The following CNTNAP5 variants were observed in gnomAD, a reference collection of about 807,000 sequenced individuals.
CNTNAP5 encodes contactin associated protein family member 5.
In CNTNAP5, 72 loss-of-function variants were observed where a neutral mutation model predicts 150.2. That is an observed-to-expected ratio of 0.48 (90% CI 0.40 to 0.58). The LOEUF is 0.58. Ranked by LOEUF, CNTNAP5 falls within the 20% of genes least tolerant of loss-of-function variation. The probability of loss-of-function intolerance (pLI) is 0.00; values close to 1 mark genes in which losing one functional copy is unlikely to be tolerated. For synonymous variants in CNTNAP5, 672 were observed against 619.8 expected (o/e 1.08, Z -1.25); for missense variants, 1,636 against 1,626.2 (o/e 1.01, Z -0.10).
chr2:124,242,512 AT>A, intron 3 of CNTNAP5, 119 bp downstream of exon 3: 1 of 907,964 alleles, frequency 1.1e-6, no homozygotes. Context: ...GTGAGTGCCC[AT>A]TAGAAATAAT....
intron 12 of CNTNAP5, among the ~76,000 whole-genome samples, chr2:124,627,150 C>T (rs913674438): frequency 1.2e-4 from 18 of 152,170 alleles, no homozygotes; most frequent in Non-Finnish European, 1.5e-5. Flanking sequence ...CTTAATCTTT[C>T]CTGCCTGCCG....
chr2:124,470,813 A>C (rs1274120009), intron 6 of CNTNAP5, among the ~76,000 whole-genome samples: 1 of 152,118 alleles, frequency 6.6e-6, no homozygotes, highest in Non-Finnish European at 1.5e-5. Flanking sequence ...AGCACCATTT[A>C]TTAAATAGGG....
At chr2:124,573,543 A>T (rs1213601421) in intron 11 of CNTNAP5, among the ~76,000 whole-genome samples, 1 of 152,248 alleles carries the variant, frequency 6.6e-6, no homozygotes, top group African/African-American at 2.4e-5. Context: ...TTAACTGAAT[A>T]TAATTTAATT....
chr2:124,200,892 T>C (rs1462413091), intron 1 of CNTNAP5, among the ~76,000 whole-genome samples: 12 of 152,120 alleles, frequency 7.9e-5, no homozygotes, highest in Admixed American at 7.9e-4. Flanking sequence ...TAGAGCCCCC[T>C]TGTTTGTCTT....
intron 2 of CNTNAP5, 38 bp from the exon 3 acceptor site, chr2:124,242,162 A>G (rs2104768261): frequency 6.8e-7 from 1 of 1,468,052 alleles, no homozygotes; most frequent in Non-Finnish European, 9.3e-7. Context: ...GTGAGACATT[A>G]CTACAACTCT....
chr2:124,876,399 G>A (rs896890), intron 21 of CNTNAP5, among the ~76,000 whole-genome samples: 132,681 of 150,764 alleles, frequency 0.88, 58,711 homozygotes, highest in African/African-American at 0.97. Context: ...GAAAGAGAAA[G>A]ATCAACAATG....
intron 2 of CNTNAP5, among the ~76,000 whole-genome samples, chr2:124,234,950 A>C (rs1410356589): frequency 4.6e-5 from 7 of 152,158 alleles, no homozygotes; most frequent in Non-Finnish European, 7.4e-5. Context: ...TCACCATTTC[A>C]GCCAAAAGCC....
intron 11 of CNTNAP5, among the ~76,000 whole-genome samples, chr2:124,576,238 G>A (rs1313352419): frequency 6.6e-6 from 1 of 152,112 alleles, no homozygotes; most frequent in African/African-American, 2.4e-5. Flanking sequence ...ATGCAACTGA[G>A]TTTATTAGTC....
intron 3 of CNTNAP5, among the ~76,000 whole-genome samples, chr2:124,328,037 G>A (rs374345504): frequency 6.6e-6 from 1 of 151,986 alleles, no homozygotes; most frequent in Non-Finnish European, 1.5e-5. Context: ...AAAATTGAAG[G>A]CTTTTCTGAA....
chr2:124,094,821 G>T (rs2104689847), intron 1 of CNTNAP5, among the ~76,000 whole-genome samples: 1 of 152,282 alleles, frequency 6.6e-6, no homozygotes, highest in Non-Finnish European at 1.5e-5. Flanking sequence ...CCTCTCTCCA[G>T]ATTGGTGCTG....
intron 7 of CNTNAP5, among the ~76,000 whole-genome samples, chr2:124,486,636 A>G (rs1693886582): frequency 6.6e-6 from 1 of 152,194 alleles, no homozygotes; most frequent in African/African-American, 2.4e-5. Flanking sequence ...ACATACACAT[A>G]TTCACGGTTT....
chr2:124,898,739 T>C (rs1678357461), intron 21 of CNTNAP5, among the ~76,000 whole-genome samples: 1 of 151,540 alleles, frequency 6.6e-6, no homozygotes, highest in African/African-American at 2.4e-5. Flanking sequence ...ACCATAGTTC[T>C]AAATGCAACA....
chr2:124,844,712 T>A (rs1440419994), intron 19 of CNTNAP5, among the ~76,000 whole-genome samples: 9 of 152,048 alleles, frequency 5.9e-5, no homozygotes, highest in African/African-American at 1.7e-4. Context: ...TAGTGGTTTT[T>A]AAAATTTTTT....
At position 124,028,124 on chromosome 2, in the gene CNTNAP5, T is replaced by G. The variant is rs1441568403; in HGVS notation, c.82+2392T>G. Among the ~76,000 whole-genome samples the G allele has an allele frequency of 2.0e-5, 3 of 152,230 alleles. No homozygotes were observed. In the East Asian group the frequency reaches 5.8e-4, roughly 29 times the overall value. On this transcript the variant is annotated intron_variant, in intron 1 of 23. Coordinates refer to ENST00000682447, the MANE Select transcript of CNTNAP5 (RefSeq NM_001367498.1). ...TTTTACAAGATTATTCTTCCTATAT[T>G]TTGAAGTAATATGTCGTGACATTTG... is the stretch of plus-strand genomic sequence containing the variant.
intron 13 of CNTNAP5, among the ~76,000 whole-genome samples, chr2:124,706,520 G>A (rs527609553): frequency 1.3e-5 from 2 of 152,140 alleles, no homozygotes; most frequent in East Asian, 1.9e-4. Flanking sequence ...GCCGAGGCAG[G>A]TGAATCACTT....
intron 1 of CNTNAP5, among the ~76,000 whole-genome samples, chr2:124,183,064 C>T (rs768082239): frequency 6.6e-6 from 1 of 152,118 alleles, no homozygotes; most frequent in African/African-American, 2.4e-5. Context: ...TTTGTACCAA[C>T]CCTTTATATT....
intron 3 of CNTNAP5, among the ~76,000 whole-genome samples, chr2:124,362,303 G>GCTATTC (rs1158363224): frequency 5.9e-5 from 9 of 152,314 alleles, no homozygotes; most frequent in African/African-American, 2.2e-4. Context: ...GTAGACCGGA[G>GCTATTC]CTATTCCTAT....
chr2:124,366,711 G>A (rs149784490), intron 3 of CNTNAP5, among the ~76,000 whole-genome samples: 2 of 152,244 alleles, frequency 1.3e-5, no homozygotes, highest in African/African-American at 2.4e-5. Flanking sequence ...ACTTGTAATT[G>A]GAGTCATACC....
chr2:124,610,492 G>T (rs1677355980), intron 12 of CNTNAP5, among the ~76,000 whole-genome samples: 4 of 152,196 alleles, frequency 2.6e-5, no homozygotes, highest in Admixed American at 2.6e-4. Context: ...AAATGAAAAG[G>T]TGAGTTTTTT....
Sources: allele counts gnomAD v4.1 joint callset (sites outside exome capture counted in the v4.1 genomes callset), GRCh38; gene constraint gnomAD v4.1.1; transcripts MANE v1.5; gene names NCBI Gene and HGNC (gene_info 2026-07-23, HGNC 2026-07-21).